GASK1A: variants seen among roughly 807,000 people sequenced by gnomAD.
The protein encoded by GASK1A is Golgi-associated kinase 1A.
GASK1A carries 40 observed loss-of-function variants against 41.2 expected under a neutral mutation model. The ratio of observed to expected loss-of-function variants is 0.97; its 90% confidence interval spans 0.75 to 1.27. The LOEUF (loss-of-function observed/expected upper bound fraction) is 1.27. GASK1A is among the 50% of genes most tolerant of loss of function. The probability of loss-of-function intolerance (pLI) is 0.00; values close to 1 mark genes in which losing one functional copy is unlikely to be tolerated. For synonymous variants in GASK1A, 316 were observed against 307.1 expected (o/e 1.03, Z -0.30); for missense variants, 678 against 745.1 (o/e 0.91, Z 1.05).
Position 42,979,462 on chromosome 3 carries a change from C to T in GASK1A, c.-181C>T, listed in dbSNP as rs182661472. On this transcript the variant is annotated 5_prime_UTR_variant, in exon 1 of 5. Coordinates refer to ENST00000430121, the MANE Select transcript of GASK1A (RefSeq NM_001129908.3). ...TGCAGCGATCTCCCGAGAGTTGGCG[C>T]AGGGCCACTTGGCTGCAGAGAACGT... is the stretch of plus-strand genomic sequence containing the variant. The T allele has an allele frequency of 2.4e-5, 13 of 532,890 alleles. No homozygotes were observed. The East Asian group carries it at 4.2e-4, about 17-fold the overall frequency. 33.0% of individuals were successfully genotyped at this position (532,890 alleles called of 1,614,324 possible).
intron 1 of GASK1A, among the ~76,000 whole-genome samples, chr3:43,025,618 C>T (rs1217384606): frequency 6.6e-6 from 1 of 152,128 alleles, no homozygotes; most frequent in African/African-American, 2.4e-5. Context: ...AGGCTGCACT[C>T]GATTCACACA....
intron 1 of GASK1A, among the ~76,000 whole-genome samples, chr3:43,001,975 C>T (rs940494956): frequency 5.9e-5 from 9 of 152,274 alleles, no homozygotes; most frequent in Admixed American, 3.3e-4. Context: ...TCTACTGTCA[C>T]GTATGCTCTC....
At chr3:43,039,037 AC>A (rs1414593346) in intron 2 of GASK1A, among the ~76,000 whole-genome samples, 1 of 78,496 alleles carries the variant, frequency 1.3e-5, no homozygotes, top group Admixed American at 1.8e-4. Context: ...ACCTCTTTTG[AC>A]TTTTTTTTTT....
chr3:43,002,497 G>T (rs541062105), intron 1 of GASK1A, among the ~76,000 whole-genome samples: 1 of 152,224 alleles, frequency 6.6e-6, no homozygotes, highest in African/African-American at 2.4e-5. Context: ...CAAGCATTCT[G>T]TGGGCTCCTG....
At chr3:43,017,338 C>G (rs1221456114) in intron 1 of GASK1A, among the ~76,000 whole-genome samples, 1 of 147,176 alleles carries the variant, frequency 6.8e-6, no homozygotes, top group African/African-American at 2.6e-5. Flanking sequence ...TAGGAAGGGG[C>G]AGTGGGAAGT....
chr3:42,983,644 C>T (rs1241249525), intron 1 of GASK1A, among the ~76,000 whole-genome samples: 1 of 152,126 alleles, frequency 6.6e-6, no homozygotes, highest in Admixed American at 6.5e-5. Flanking sequence ...GAATGAGTCG[C>T]AGAAGTCATC....
intron 1 of GASK1A, among the ~76,000 whole-genome samples, chr3:42,997,615 C>G (rs2089383686): frequency 2.0e-5 from 3 of 152,200 alleles, no homozygotes; most frequent in Non-Finnish European, 1.5e-5. Context: ...AACAGCTGCA[C>G]AATGGAGGAG....
chr3:43,035,422 A>C (rs1437385088), intron 2 of GASK1A, among the ~76,000 whole-genome samples: 2 of 152,232 alleles, frequency 1.3e-5, no homozygotes, highest in East Asian at 1.9e-4. Context: ...AAGGTTGGTC[A>C]TGTTGCCCCC....
chr3:43,053,588 A>T lies in GASK1A; in HGVS notation c.1358A>T (p.Glu453Val). 1 of 1,551,704 alleles carries T rather than the reference A, an allele frequency of 6.4e-7. No homozygotes were observed. Among genetic ancestry groups the T allele is most frequent in the Non-Finnish European group, 8.7e-7 (1 of 1,147,002 alleles). The part of the protein sequence containing the change: ...EPEPSDPCVE[E>V]RLREKCQNPA... The stretch of plus-strand genomic sequence containing the variant: ...GAGCCCTCAGACCCCTGTGTGGAAG[A>T]GAGGCTCCGAGAGAAATGCCAGAAC... The change falls in exon 3 of 5, where the codon GAG becomes GTG. Residue 453 changes from glutamate to valine, a missense_variant. By Grantham distance (121) the Glu-to-Val change is moderately radical. Coordinates refer to ENST00000430121, the MANE Select transcript of GASK1A (RefSeq NM_001129908.3).
intron 1 of GASK1A, among the ~76,000 whole-genome samples, chr3:43,000,171 C>T (rs1025340239): frequency 6.6e-6 from 1 of 152,226 alleles, no homozygotes; most frequent in African/African-American, 2.4e-5. Flanking sequence ...CGTGTTCTTA[C>T]CCATCATCAG....
At chr3:43,023,731 A>G (rs947843952) in intron 1 of GASK1A, among the ~76,000 whole-genome samples, 5 of 152,208 alleles carry the variant, frequency 3.3e-5, no homozygotes, top group Non-Finnish European at 7.3e-5. Flanking sequence ...AGATAAATGT[A>G]TCTTAGGGGG....
intron 1 of GASK1A, among the ~76,000 whole-genome samples, chr3:43,014,527 G>T (rs1488924481): frequency 6.6e-6 from 1 of 152,136 alleles, no homozygotes; most frequent in Non-Finnish European, 1.5e-5. Flanking sequence ...CCACAGGAAG[G>T]GGCATTGGGA....
rs2089297218 is a variant in GASK1A, at chr3:42,984,336, C to T, written c.3+4691C>T. On this transcript the variant is annotated intron_variant, in intron 1 of 4. Coordinates refer to ENST00000430121, the MANE Select transcript of GASK1A (RefSeq NM_001129908.3). The surrounding 1 kb of genome is among the most constrained non-coding windows in gnomAD (Gnocchi z 4.2). ...TCTTTCTCTCTCTCTCACACACACACACGCTGACTTTCACACATCACACAT... is the reference window on the plus strand; with the variant it reads ...TCTTTCTCTCTCTCTCACACACACATACGCTGACTTTCACACATCACACAT... Among the ~76,000 whole-genome samples, 1 of 152,082 alleles carries T rather than the reference C, an allele frequency of 6.6e-6. No individual in the cohort carries two copies. Among genetic ancestry groups the T allele is most frequent in the Non-Finnish European group, 1.5e-5 (1 of 68,022 alleles).
At chr3:43,034,494 TGGC>T (rs1357915889) in intron 2 of GASK1A, among the ~76,000 whole-genome samples, 1 of 152,116 alleles carries the variant, frequency 6.6e-6, no homozygotes, top group Non-Finnish European at 1.5e-5. Context: ...TGTGGAAACA[TGGC>T]CAGACAGAAA....
At chr3:42,997,438 G>C (rs944163764) in intron 1 of GASK1A, among the ~76,000 whole-genome samples, 7 of 132,582 alleles carry the variant, frequency 5.3e-5, no homozygotes, top group African/African-American at 9.1e-5. Context: ...GACAGAGAGA[G>C]GGGGGGGGGA....
chr3:43,003,634 G>A (rs1670126121), intron 1 of GASK1A, among the ~76,000 whole-genome samples: 1 of 152,138 alleles, frequency 6.6e-6, no homozygotes, highest in South Asian at 2.1e-4. Flanking sequence ...TCTCAAAGTG[G>A]GGCTCAGCCA....
At chr3:43,042,674 AT>A (rs2089643657) in intron 2 of GASK1A, among the ~76,000 whole-genome samples, 1 of 152,060 alleles carries the variant, frequency 6.6e-6, no homozygotes, top group Non-Finnish European at 1.5e-5. Context: ...GCTGTGGTGG[AT>A]TCATCTTTTA....
chr3:43,024,794 A>G (rs543660006), intron 1 of GASK1A, among the ~76,000 whole-genome samples: 1 of 152,330 alleles, frequency 6.6e-6, no homozygotes, highest in Admixed American at 6.5e-5. Context: ...TCCTGCCTGC[A>G]TGGATCAACC....
intron 3 of GASK1A, 129 bp downstream of exon 3, chr3:43,053,772 G>A (rs1346344905): frequency 3.8e-6 from 4 of 1,063,706 alleles, no homozygotes; most frequent in Non-Finnish European, 5.7e-6. Flanking sequence ...CTTTTCAGCA[G>A]CAGAACCAGT....
Sources: allele counts gnomAD v4.1 joint callset (sites outside exome capture counted in the v4.1 genomes callset), GRCh38; gene constraint gnomAD v4.1.1; non-coding constraint Gnocchi (gnomAD v3.1); transcripts MANE v1.5; gene names NCBI Gene and HGNC (gene_info 2026-07-23, HGNC 2026-07-21).